BMPR1B: variants seen among roughly 807,000 people sequenced by gnomAD.
BMPR1B encodes the protein bone morphogenetic protein receptor type 1B, also known as bone morphogenetic protein receptor type-1B.
Under a neutral mutation model 59.1 loss-of-function variants are expected in BMPR1B, and 12 were observed. That is an observed-to-expected ratio of 0.20 (90% CI 0.13 to 0.33). BMPR1B has a LOEUF of 0.33. Among genes scored for constraint, BMPR1B ranks in the 10% least tolerant of loss-of-function variants. BMPR1B has a pLI of 1.00. For synonymous variants in BMPR1B, 237 were observed against 207.3 expected (o/e 1.14, Z -1.23); for missense variants, 550 against 610.9 (o/e 0.90, Z 1.05).
chr4:95,133,059 T>C (rs894741075), intron 10 of BMPR1B, among the ~76,000 whole-genome samples: 17 of 152,228 alleles, frequency 1.1e-4, no homozygotes, highest in African/African-American at 3.9e-4. Flanking sequence ...TTTTGGCTGA[T>C]CCATTCTTAA....
intron 1 of BMPR1B, among the ~76,000 whole-genome samples, chr4:94,811,616 AG>A (rs1395184728): frequency 1.3e-5 from 2 of 152,196 alleles, no homozygotes; most frequent in East Asian, 3.8e-4. Flanking sequence ...TTAAAAAATC[AG>A]GCTTATACAA....
At chr4:94,965,954 A>T (rs1395656868) in intron 2 of BMPR1B, among the ~76,000 whole-genome samples, 2 of 152,196 alleles carry the variant, frequency 1.3e-5, no homozygotes, top group Non-Finnish European at 2.9e-5. Context: ...ATTTGCACAT[A>T]GGGAAAGCAT....
intron 1 of BMPR1B, among the ~76,000 whole-genome samples, chr4:94,870,906 C>A (rs2148967470): frequency 6.6e-6 from 1 of 152,088 alleles, no homozygotes; most frequent in Non-Finnish European, 1.5e-5. Flanking sequence ...GTGGAAATAG[C>A]CTTAGGTGAG....
intron 1 of BMPR1B, among the ~76,000 whole-genome samples, chr4:94,839,716 T>C (rs1724973834): frequency 7.3e-6 from 1 of 137,736 alleles, no homozygotes; most frequent in Non-Finnish European, 1.6e-5. Flanking sequence ...CTTTATCCAA[T>C]TTGCCAGTCT....
intron 1 of BMPR1B, among the ~76,000 whole-genome samples, chr4:94,869,368 T>C (rs1726389399): frequency 6.6e-6 from 1 of 152,202 alleles, no homozygotes; most frequent in South Asian, 2.1e-4. Context: ...TTTCCTGTGA[T>C]GCTAAAATTT....
At chr4:94,921,510 T>C (rs887856902) in intron 2 of BMPR1B, among the ~76,000 whole-genome samples, 1 of 151,924 alleles carries the variant, frequency 6.6e-6, no homozygotes, top group Non-Finnish European at 1.5e-5. Context: ...AGAAGGCCAG[T>C]CACATGGTGA....
intron 3 of BMPR1B, chr4:95,091,766 ATAGAC>A (rs1730008737): frequency 1.3e-6 from 1 of 753,922 alleles, no homozygotes; most frequent in South Asian, 6.0e-5. Context: ...AGATGGTGAA[ATAGAC>A]TAATTCAAGG....
Position 95,131,236 on chromosome 4 carries a change from A to C in BMPR1B, c.800A>C (p.Lys267Thr). 6.2e-7 allele frequency: 1 copy of C among 1,613,964 alleles called. No homozygotes were observed. The highest frequency in any genetic ancestry group is 8.5e-7 in the Non-Finnish European group (1 of 1,179,934). ...NILGFIAADI[K>T]GTGSWTQLYL... is the part of the protein sequence containing the mutation. ...TTAGGTTTCATTGCTGCAGATATCAAAGGGACAGGGTCCTGGACCCAGTTG... is the reference window on the plus strand; with the variant it reads ...TTAGGTTTCATTGCTGCAGATATCACAGGGACAGGGTCCTGGACCCAGTTG... The change falls in exon 10 of 13, where the codon AAA (lysine) becomes ACA (threonine). Residue 267 changes from lysine (K) to threonine (T), a missense_variant. By Grantham distance (78) the Lys-to-Thr change is moderately conservative. This residue lies in a region of BMPR1B where 318 missense variants were observed against 284.6 expected (regional missense o/e 1.12). Transcript: ENST00000515059.
At position 95,005,790 on chromosome 4, in the gene BMPR1B, T is replaced by G. The variant is rs776570363; in HGVS notation, c.-18+9656T>G. The stretch of plus-strand genomic sequence containing the variant: ...GCCCAATTATGTTAGAAAACTCTTT[T>G]TGTGTGTGTGCATTTTGAAGAAAAT... On this transcript the variant is annotated intron_variant, in intron 3 of 12. Coordinates refer to ENST00000515059, the MANE Select transcript of BMPR1B (RefSeq NM_001203.3). 2.0e-5 allele frequency among the ~76,000 whole-genome samples: 3 copies of G among 152,296 alleles called. 1 individual carries two copies. The highest frequency in any genetic ancestry group is 3.9e-4 in the East Asian group (2 of 5,186).
chr4:94,962,948 A>G (rs1264554146), intron 2 of BMPR1B, among the ~76,000 whole-genome samples: 5 of 152,156 alleles, frequency 3.3e-5, no homozygotes, highest in African/African-American at 1.2e-4. Flanking sequence ...GCAGTGTACT[A>G]GCATTCTCCT....
chr4:94,772,891 A>T (rs920774494), intron 1 of BMPR1B, among the ~76,000 whole-genome samples: 1 of 152,154 alleles, frequency 6.6e-6, no homozygotes, highest in African/African-American at 2.4e-5. Flanking sequence ...CATTTAAATC[A>T]TTGAATGACC....
chr4:94,954,837 A>G (rs1038851762), intron 2 of BMPR1B, among the ~76,000 whole-genome samples: 2 of 152,184 alleles, frequency 1.3e-5, no homozygotes, highest in African/African-American at 4.8e-5. Context: ...CCCAATATAT[A>G]TTAGCTGTTT....
intron 10 of BMPR1B, among the ~76,000 whole-genome samples, chr4:95,135,778 T>C (rs981307764): frequency 5.9e-5 from 9 of 152,188 alleles, no homozygotes; most frequent in African/African-American, 2.2e-4. Context: ...ATGATGGGGT[T>C]TTCTAGATAT....
chr4:94,851,720 A>G (rs1282499231), intron 1 of BMPR1B, among the ~76,000 whole-genome samples: 2 of 152,006 alleles, frequency 1.3e-5, no homozygotes, highest in Non-Finnish European at 1.5e-5. Flanking sequence ...TTTTATATTT[A>G]TATATTTATG....
chr4:95,134,578 C>T (rs983665056), intron 10 of BMPR1B, among the ~76,000 whole-genome samples: 41 of 152,268 alleles, frequency 2.7e-4, no homozygotes, highest in African/African-American at 9.1e-4. Flanking sequence ...TGTGAGATGG[C>T]ATCTCATTGT....
At chr4:94,951,380 G>A (rs760746933) in intron 2 of BMPR1B, among the ~76,000 whole-genome samples, 47 of 152,266 alleles carry the variant, frequency 3.1e-4, no homozygotes, top group South Asian at 2.5e-3. Context: ...TCCAGCTTTT[G>A]CCCATTCAGT....
intron 10 of BMPR1B, among the ~76,000 whole-genome samples, chr4:95,135,537 T>C (rs1459414276): frequency 1.3e-5 from 2 of 152,200 alleles, no homozygotes; most frequent in Non-Finnish European, 1.5e-5. Context: ...TTTTATTTCA[T>C]TGAGCAGTGG....
At chr4:94,870,265 T>G (rs1487538285) in intron 1 of BMPR1B, among the ~76,000 whole-genome samples, 1 of 152,150 alleles carries the variant, frequency 6.6e-6, no homozygotes, top group Non-Finnish European at 1.5e-5. Flanking sequence ...AAGAATAGGT[T>G]TTTGGCTCTC....
chr4:95,111,298 A>G (rs1013393436), intron 4 of BMPR1B, among the ~76,000 whole-genome samples: 1 of 152,128 alleles, frequency 6.6e-6, no homozygotes, highest in South Asian at 2.1e-4. Flanking sequence ...TGTTAGAGGA[A>G]AAGTTCTACA....
Sources: allele counts gnomAD v4.1 joint callset (sites outside exome capture counted in the v4.1 genomes callset), GRCh38; gene constraint gnomAD v4.1.1; regional missense constraint gnomAD v4.1.1; transcripts MANE v1.5; gene names NCBI Gene and HGNC (gene_info 2026-07-23, HGNC 2026-07-21).